The following PPIL6 variants were observed in gnomAD, a reference collection of about 807,000 sequenced individuals.
PPIL6 encodes the protein probable inactive peptidyl-prolyl cis-trans isomerase-like 6.
Under a neutral mutation model 36.8 loss-of-function variants are expected in PPIL6, and 39 were observed. The ratio of observed to expected loss-of-function variants is 1.06; its 90% CI spans 0.82 to 1.38. The LOEUF is 1.38. PPIL6 is among the 40% of genes most tolerant of loss of function. The pLI is 0.00. For missense variants in PPIL6, 368 were observed against 379.1 expected, an observed-to-expected ratio of 0.97 and a Z score of 0.24; for synonymous variants, 123 against 134.1, an observed-to-expected ratio of 0.92 and a Z score of 0.57.
Position 109,390,331 on chromosome 6 carries a change from T to C in PPIL6, c.*2495A>G, listed in dbSNP as rs879072867. On this transcript the variant is annotated 3_prime_UTR_variant, in exon 8 of 8. Transcript: ENST00000521072. The stretch of plus-strand genomic sequence containing the variant: ...TCATGGAACCCTCACAGCAATCTTA[T>C]GTGGTAGGTACCACTGTTTCTCAGA... 1 of 152,262 alleles carries C rather than the reference T, an allele frequency of 6.6e-6. No homozygotes were observed. 9.4% of individuals were successfully genotyped at this position (152,262 alleles called of 1,614,324 possible). A position where few individuals can be genotyped will look rare whatever the true frequency, so the allele number is the denominator to read the frequency against.
intron 5 of PPIL6, among the ~76,000 whole-genome samples, chr6:109,422,269 G>C (rs752102613): frequency 1.3e-5 from 2 of 152,168 alleles, no homozygotes; most frequent in Admixed American, 1.3e-4. Flanking sequence ...CAAGGCTGCA[G>C]TGAGAGCCAT....
At chr6:109,439,717 C>G (rs1024362732) in intron 1 of PPIL6, among the ~76,000 whole-genome samples, 1 of 152,158 alleles carries the variant, frequency 6.6e-6, no homozygotes, top group South Asian at 2.1e-4. Flanking sequence ...AGGCATGGTC[C>G]TGGAGTCAAG....
intron 3 of PPIL6, among the ~76,000 whole-genome samples, chr6:109,429,249 T>G (rs1773995382): frequency 6.6e-6 from 1 of 152,202 alleles, no homozygotes; most frequent in African/African-American, 2.4e-5. Context: ...TCCAATCCCC[T>G]GCTCCCAAGC....
upstream of PPIL6, chr6:109,440,720 C>A: frequency 1.9e-6 from 1 of 530,338 alleles, no homozygotes; most frequent in Non-Finnish European, 2.5e-6. Context: ...GCGGCTGGGC[C>A]TTTCCTCAAC....
At chr6:109,399,979 T>A in intron 7 of PPIL6, 56 bp downstream of exon 7, 1 of 1,445,558 alleles carries the variant, frequency 6.9e-7, no homozygotes, top group Non-Finnish European at 9.5e-7. Context: ...CAAATATTTT[T>A]AAATGACATT....
intron 5 of PPIL6, among the ~76,000 whole-genome samples, chr6:109,424,288 A>G (rs1277307925): frequency 6.6e-6 from 1 of 152,170 alleles, no homozygotes; most frequent in Non-Finnish European, 1.5e-5. Flanking sequence ...AGGCAAAATA[A>G]ACGAGGCCTC....
chr6:109,435,296 CTTTTT>C (rs911840164), intron 2 of PPIL6, among the ~76,000 whole-genome samples: 1 of 131,946 alleles, frequency 7.6e-6, no homozygotes. Context: ...AAATGTTGCA[CTTTTT>C]TTTTTTTTTT....
chr6:109,437,548 C>CTTT (rs71551374), intron 1 of PPIL6, among the ~76,000 whole-genome samples: 441 of 97,738 alleles, frequency 4.5e-3, no homozygotes, highest in Middle Eastern at 0.016. Context: ...TATTTCTTTT[C>CTTT]TTTTTTTTTT....
chr6:109,438,973 T>C (rs551991072), intron 1 of PPIL6, among the ~76,000 whole-genome samples: 26 of 152,336 alleles, frequency 1.7e-4, no homozygotes, highest in Admixed American at 1.6e-3. Flanking sequence ...CATAATATGG[T>C]TTTACTGGAA....
At chr6:109,415,673 C>T (rs756854710) in intron 6 of PPIL6, among the ~76,000 whole-genome samples, 32 of 152,110 alleles carry the variant, frequency 2.1e-4, no homozygotes, top group Non-Finnish European at 4.6e-4. Context: ...TTTTCTATAA[C>T]GACAATAGCA....
In PPIL6 at chr6:109,440,564, G is replaced by C. The variant is rs1000982062; in HGVS notation, c.27C>G (p.Pro9=). The change falls in exon 1 of 8, where the codon CCC becomes CCG. Residue 9 remains proline (P), a synonymous_variant. Coordinates refer to ENST00000521072, the MANE Select transcript of PPIL6 (RefSeq NM_173672.5). The part of the protein sequence containing the change: MARPQPCG[P]PHARCGSPSL... ...ACGGCGAGCCGCACCTAGCGTGCGG[G>C]GGCCCGCACGGCTGCGGCCTTGCCA... The C allele has an allele frequency of 7.6e-6, 11 of 1,447,648 alleles. No homozygotes were observed. Among genetic ancestry groups the C allele is most frequent in the African/African-American group, 3.0e-5 (2 of 66,130 alleles). The allele number at this position is 1,447,648 out of a possible 1,614,324, so 89.7% of individuals were successfully genotyped here. A position where few individuals can be genotyped will look rare whatever the true frequency, so the allele number is the denominator to read the frequency against.
intron 5 of PPIL6, among the ~76,000 whole-genome samples, chr6:109,426,242 T>TTCCCTTC: frequency 6.6e-6 from 1 of 152,318 alleles, no homozygotes; most frequent in East Asian, 1.9e-4. Context: ...CAAGCAAATT[T>TTCCCTTC]CCTTTGACAC....
rs781621884 is a variant in PPIL6, at chr6:109,400,156, C to A, written c.703G>T (p.Val235Phe). The A allele has an allele frequency of 3.1e-6, 5 of 1,611,692 alleles. No individual in the cohort carries two copies. Among genetic ancestry groups the A allele is most frequent in the Non-Finnish European group, 4.2e-6 (5 of 1,178,582 alleles). ...GPTFEDENFS[V>F]PHNKRGVLGM... is the part of the protein sequence containing the mutation. ...AGTACTCCTCTTTTATTATGAGGAA[C>A]TGAAAAGTTTTCATCTAGGAAAGAC... The change falls in exon 7 of 8, where the codon GTT becomes TTT. Residue 235 changes from valine (V) to phenylalanine (F), a missense_variant. Coordinates refer to ENST00000521072, the MANE Select transcript of PPIL6 (RefSeq NM_173672.5).
intron 6 of PPIL6, among the ~76,000 whole-genome samples, chr6:109,407,898 A>G (rs905461738): frequency 1.3e-5 from 2 of 152,108 alleles, no homozygotes; most frequent in Non-Finnish European, 2.9e-5. Context: ...GGCTCAAGCA[A>G]TTCTCCTGCC....
chr6:109,435,779 G>T (rs1774412686), intron 2 of PPIL6, among the ~76,000 whole-genome samples: 1 of 152,078 alleles, frequency 6.6e-6, no homozygotes, highest in Non-Finnish European at 1.5e-5. Flanking sequence ...ACAAAAACTA[G>T]CTAGGTGTGG....
chr6:109,425,487 G>A (rs746342441), intron 5 of PPIL6, among the ~76,000 whole-genome samples: 5 of 152,198 alleles, frequency 3.3e-5, no homozygotes, highest in Non-Finnish European at 7.3e-5. Context: ...GGTGGCTCAT[G>A]CCTGTAATCC....
intron 6 of PPIL6, among the ~76,000 whole-genome samples, chr6:109,416,357 C>T (rs548668507): frequency 2.6e-5 from 4 of 152,108 alleles, no homozygotes; most frequent in African/African-American, 9.6e-5. Flanking sequence ...CACCTGCCAT[C>T]ACTCCCAGCT....
intron 7 of PPIL6, among the ~76,000 whole-genome samples, chr6:109,396,443 C>T (rs889316843): frequency 2.0e-5 from 3 of 152,160 alleles, no homozygotes; most frequent in African/African-American, 7.2e-5. Flanking sequence ...CCTTTCCATT[C>T]TCCCCTAAGT....
In PPIL6 at chr6:109,431,353, G is replaced by GA; in HGVS notation, c.232-9_232-8insT. ...GGTTTCATTTTTGAGTTCCTGTAAGGGAAAAGGACAAAAAAAAAAAAAAAC... is the reference window on the plus strand; with the variant it reads ...GGTTTCATTTTTGAGTTCCTGTAAGGAGAAAAGGACAAAAAAAAAAAAAAAC... On this transcript the variant is annotated splice_polypyrimidine_tract_variant and intron_variant, in intron 2 of 7. Transcript: ENST00000521072. 7.4e-7 allele frequency: 1 copy of GA among 1,355,760 alleles called. No individual in the cohort carries two copies. Among genetic ancestry groups the GA allele is most frequent in the Middle Eastern group, 1.9e-4 (1 of 5,198 alleles). 84.0% of individuals were successfully genotyped at this position (1,355,760 alleles called of 1,614,324 possible). A position where few individuals can be genotyped will look rare whatever the true frequency, so the allele number is the denominator to read the frequency against.
Sources: allele counts gnomAD v4.1 joint callset (sites outside exome capture counted in the v4.1 genomes callset), GRCh38; gene constraint gnomAD v4.1.1; transcripts MANE v1.5; gene names NCBI Gene and HGNC (gene_info 2026-07-23, HGNC 2026-07-21).